Variants in MAF observed in about 807,000 individuals in gnomAD.
MAF encodes the protein transcription factor Maf.
Under a neutral mutation model 22.0 loss-of-function variants are expected in MAF, and 10 were observed. That is an observed-to-expected ratio of 0.45 (90% CI 0.28 to 0.77). The LOEUF is 0.77. MAF is among the 30% of genes least tolerant of loss of function. The pLI, the probability that MAF is intolerant of heterozygous loss-of-function variation, is 0.12. For synonymous variants in MAF, 337 were observed against 255.8 expected (o/e 1.32, Z -3.03); for missense variants, 544 against 548.4 (o/e 0.99, Z 0.08).
the MAF span, among the ~76,000 whole-genome samples, chr16:79,535,070 C>T: frequency 2.6e-5 from 4 of 152,152 alleles, no homozygotes; most frequent in African/African-American, 9.7e-5. Context: ...CATTGACTTA[C>T]TTAGGACAAA....
At chr16:79,596,402 A>T (rs1187608565) in intron 1 of MAF, 7 of 1,057,744 alleles carry the variant, frequency 6.6e-6, no homozygotes, top group Non-Finnish European at 8.0e-6. Context: ...CTTCCACTGG[A>T]GAAAAGGATG....
chr16:79,341,067 G>A, the MAF span, among the ~76,000 whole-genome samples: 1 of 152,192 alleles, frequency 6.6e-6, no homozygotes, highest in East Asian at 1.9e-4. Flanking sequence ...AGCATGGAAG[G>A]AGGCCGGAAG....
the MAF span, among the ~76,000 whole-genome samples, chr16:79,383,782 C>A: frequency 1.3e-5 from 2 of 152,092 alleles, no homozygotes; most frequent in Admixed American, 1.3e-4. Context: ...ATTAAACCTG[C>A]AGTTGGTATG....
chr16:79,254,667 A>C, the MAF span, among the ~76,000 whole-genome samples: 1 of 152,104 alleles, frequency 6.6e-6, no homozygotes. Context: ...CTGGTCTGGG[A>C]TCTCGGTTCC....
the MAF span, among the ~76,000 whole-genome samples, chr16:79,377,565 C>A: frequency 6.6e-6 from 1 of 152,118 alleles, no homozygotes; most frequent in African/African-American, 2.4e-5. Flanking sequence ...GCTTTTGTTG[C>A]CGTTGCTTTT....
At chr16:79,264,200 T>C in the MAF span, among the ~76,000 whole-genome samples, 14 of 152,204 alleles carry the variant, frequency 9.2e-5, no homozygotes, top group East Asian at 2.7e-3. Context: ...TGAAAACAGA[T>C]CTTCCATCTC....
the MAF span, among the ~76,000 whole-genome samples, chr16:79,265,558 A>T: frequency 6.6e-6 from 1 of 152,206 alleles, no homozygotes; most frequent in African/African-American, 2.4e-5. Flanking sequence ...TTTTCCCTTG[A>T]CATACGTACC....
At chr16:79,515,108 C>T in the MAF span, among the ~76,000 whole-genome samples, 1 of 152,210 alleles carries the variant, frequency 6.6e-6, no homozygotes, top group Non-Finnish European at 1.5e-5. Flanking sequence ...GTGTAAGGAT[C>T]AAATGAGATG....
At chr16:79,298,155 G>C in the MAF span, among the ~76,000 whole-genome samples, 1 of 152,254 alleles carries the variant, frequency 6.6e-6, no homozygotes, top group African/African-American at 2.4e-5. Flanking sequence ...GGCGGAGCTT[G>C]AGAAGCCCTG....
chr16:79,371,326 C>G, the MAF span, among the ~76,000 whole-genome samples: 1 of 152,134 alleles, frequency 6.6e-6, no homozygotes, highest in Non-Finnish European at 1.5e-5. Context: ...ATAGCATCAC[C>G]TCTGCCATAT....
chr16:79,285,581 G>A, the MAF span, among the ~76,000 whole-genome samples: 1 of 152,126 alleles, frequency 6.6e-6, no homozygotes, highest in African/African-American at 2.4e-5. Flanking sequence ...TTCTGGGAGT[G>A]GGACTCTGGA....
the MAF span, among the ~76,000 whole-genome samples, chr16:79,248,514 C>T: frequency 6.6e-6 from 1 of 152,166 alleles, no homozygotes; most frequent in Non-Finnish European, 1.5e-5. Context: ...TTAATTCCCT[C>T]TGCAGAATTG....
At chr16:79,490,908 T>C in the MAF span, among the ~76,000 whole-genome samples, 1 of 152,026 alleles carries the variant, frequency 6.6e-6, no homozygotes, top group African/African-American at 2.4e-5. Flanking sequence ...GGCGGGGTGA[T>C]TTACTGAGGA....
At chr16:79,504,820 A>T in the MAF span, among the ~76,000 whole-genome samples, 3 of 152,216 alleles carry the variant, frequency 2.0e-5, no homozygotes, top group East Asian at 5.8e-4. Flanking sequence ...AGGGGACAAT[A>T]TACATTTTCC....
chr16:79,444,860 T>C, the MAF span, among the ~76,000 whole-genome samples: 5 of 152,162 alleles, frequency 3.3e-5, no homozygotes, highest in African/African-American at 9.6e-5. Context: ...ATCACATCTA[T>C]TAATTGCATT....
the MAF span, among the ~76,000 whole-genome samples, chr16:79,404,182 T>C: frequency 1.5e-5 from 2 of 132,582 alleles, no homozygotes; most frequent in South Asian, 2.8e-4. Context: ...TTTTTTTTTT[T>C]CAGATGGAGT....
At chr16:79,246,045 C>T in the MAF span, among the ~76,000 whole-genome samples, 1 of 151,878 alleles carries the variant, frequency 6.6e-6, no homozygotes, top group African/African-American at 2.4e-5. Context: ...CATCATATAC[C>T]AGGGCCTGTC....
At chr16:79,596,000 A>C in intron 1 of MAF, 2 of 1,061,162 alleles carry the variant, frequency 1.9e-6, no homozygotes, top group Non-Finnish European at 2.3e-6. Flanking sequence ...CTAACAAGAA[A>C]ATCTCGGTGT....
the MAF span, among the ~76,000 whole-genome samples, chr16:79,421,064 G>C: frequency 6.6e-6 from 1 of 151,586 alleles, no homozygotes; most frequent in African/African-American, 2.4e-5. Flanking sequence ...GAGAGAGAGA[G>C]ATTTATTACA....
Sources: allele counts gnomAD v4.1 joint callset (sites outside exome capture counted in the v4.1 genomes callset), GRCh38; gene constraint gnomAD v4.1.1; transcripts MANE v1.5; gene names NCBI Gene and HGNC (gene_info 2026-07-23, HGNC 2026-07-21).